Variants in LYN observed in about 807,000 individuals in gnomAD.
LYN encodes the protein LYN proto-oncogene, Src family tyrosine kinase.
LYN carries 12 observed loss-of-function variants against 65.0 expected under a neutral mutation model. The ratio of observed to expected loss-of-function variants is 0.18; its 90% confidence interval spans 0.12 to 0.30. LYN has a LOEUF of 0.30. Among genes scored for constraint, LYN ranks in the 10% least tolerant of loss-of-function variants. The probability of loss-of-function intolerance (pLI) is 1.00; values close to 1 mark genes in which losing one functional copy is unlikely to be tolerated. For synonymous variants in LYN, 222 were observed against 221.2 expected (o/e 1.00, Z -0.03); for missense variants, 380 against 623.2 (o/e 0.61, Z 4.16).
intron 10 of LYN, among the ~76,000 whole-genome samples, chr8:55,996,116 A>G (rs1808365081): frequency 6.6e-6 from 1 of 152,240 alleles, no homozygotes; most frequent in Admixed American, 6.5e-5. Context: ...GTGTTTATCA[A>G]CTGGCTAACA....
At chr8:55,963,401 G>A (rs1488888091) in intron 8 of LYN, among the ~76,000 whole-genome samples, 1 of 152,194 alleles carries the variant, frequency 6.6e-6, no homozygotes, top group Admixed American at 6.5e-5. Context: ...GGGCCCCAAG[G>A]CAGCACAGGC....
At chr8:55,969,679 G>T in intron 9 of LYN, 38 bp from the exon 10 acceptor site, 1 of 1,473,278 alleles carries the variant, frequency 6.8e-7, no homozygotes, top group Non-Finnish European at 9.5e-7. Flanking sequence ...TTTCTTGTGT[G>T]TTTGGAATGC....
At chr8:55,955,462 G>T (rs1341274851) in intron 8 of LYN, among the ~76,000 whole-genome samples, 1 of 152,104 alleles carries the variant, frequency 6.6e-6, no homozygotes, top group East Asian at 1.9e-4. Flanking sequence ...TCTGAATGTT[G>T]TCTCTTCCCA....
At chr8:55,919,532 G>C (rs550861582) in intron 1 of LYN, among the ~76,000 whole-genome samples, 1 of 152,258 alleles carries the variant, frequency 6.6e-6, no homozygotes, top group East Asian at 1.9e-4. Context: ...CACAGGCTGG[G>C]GTTTGAAGAA....
intron 1 of LYN, among the ~76,000 whole-genome samples, chr8:55,909,294 C>T (rs1235529333): frequency 6.6e-6 from 1 of 152,092 alleles, no homozygotes; most frequent in Admixed American, 6.6e-5. Context: ...CTGCACTGGA[C>T]CCCAGTCCTG....
At chr8:55,914,061 A>G (rs1805716037) in intron 1 of LYN, among the ~76,000 whole-genome samples, 1 of 152,068 alleles carries the variant, frequency 6.6e-6, no homozygotes, top group Non-Finnish European at 1.5e-5. Context: ...GTGGACTAGC[A>G]TGCAGCATGG....
chr8:56,002,471 G>A (rs1808541858), intron 12 of LYN, among the ~76,000 whole-genome samples: 1 of 150,894 alleles, frequency 6.6e-6, no homozygotes, highest in Non-Finnish European at 1.5e-5. Flanking sequence ...AAGTAGCCAG[G>A]TGTGGTGGTG....
At chr8:55,969,916 A>G (rs1282441941) in intron 10 of LYN, 123 bp downstream of exon 10, 2 of 822,620 alleles carry the variant, frequency 2.4e-6, no homozygotes. Flanking sequence ...AGCAGCAGTT[A>G]TGAGAAAAAG....
chr8:56,002,374 G>A lies in LYN; in HGVS notation c.1336+2825G>A, dbSNP rs533482791. Reference sequence around the variant, plus strand: ...GCGGAGCTTGCAGTGAGCTGAGATCGCGCCACTGCAATCCAGCCTGGGTGA... The same window carrying A: ...GCGGAGCTTGCAGTGAGCTGAGATCACGCCACTGCAATCCAGCCTGGGTGA... On this transcript the variant is annotated intron_variant, in intron 12 of 12. Transcript: ENST00000519728. Among the ~76,000 whole-genome samples the A allele has an allele frequency of 1.5e-4, 22 of 151,684 alleles. No individual in the cohort carries two copies. In the South Asian group the frequency reaches 3.5e-3, roughly 24 times the overall value.
chr8:56,002,421 A>AAAAATAAAAAAAAAAAGAAT (rs1426293389), intron 12 of LYN, among the ~76,000 whole-genome samples: 1 of 148,736 alleles, frequency 6.7e-6, no homozygotes, highest in Non-Finnish European at 1.5e-5. Flanking sequence ...TCCATCTTAA[A>AAAAATAAAAAAAAAAAGAAT]AAAATAAAAA....
At chr8:56,003,601 G>C (rs1453578456) in intron 12 of LYN, among the ~76,000 whole-genome samples, 2 of 151,928 alleles carry the variant, frequency 1.3e-5, no homozygotes, top group Non-Finnish European at 2.9e-5. Context: ...CTTGAACCCA[G>C]GAGACAGAAG....
chr8:55,983,554 C>T lies in LYN; in HGVS notation c.1050+13761C>T, dbSNP rs372438762. ...CTTCCCCACCCGCCCTCTCTTGAAC[C>T]TCCCACCCCTCGACCCCAGCAGCAC... On this transcript the variant is annotated intron_variant, in intron 10 of 12. Transcript: ENST00000519728. Among the ~76,000 whole-genome samples the T allele has an allele frequency of 1.7e-4, 26 of 151,696 alleles. 1 individual carries two copies. Among genetic ancestry groups the T allele is most frequent in the East Asian group, 1.4e-3 (7 of 5,156 alleles).
chr8:56,010,263 C>G lies in LYN; in HGVS notation c.*153C>G. ...GGCTAAATTACTCAGGAAGAACACC[C>G]TCTAAATGGGAAAGTATTCTGTACT... On this transcript the variant is annotated 3_prime_UTR_variant, in exon 13 of 13. Coordinates refer to ENST00000519728, the MANE Select transcript of LYN (RefSeq NM_002350.4). The G allele has an allele frequency of 1.4e-6, 1 of 701,956 alleles. No individual in the cohort carries two copies. Among genetic ancestry groups the G allele is most frequent in the East Asian group, 2.7e-5 (1 of 36,404 alleles). 43.5% of individuals were successfully genotyped at this position (701,956 alleles called of 1,614,324 possible).
intron 1 of LYN, among the ~76,000 whole-genome samples, chr8:55,908,981 T>TTGTGTA (rs1805507606): frequency 2.5e-5 from 1 of 39,550 alleles, no homozygotes; most frequent in Admixed American, 2.6e-4. Context: ...TGGTATTCCA[T>TTGTGTA]TGTGTATGTA....
At chr8:55,966,663 C>T (rs374772696) in intron 8 of LYN, 52 bp from the exon 9 acceptor site, 66 of 1,544,632 alleles carry the variant, frequency 4.3e-5, no homozygotes, top group African/African-American at 6.8e-5. Context: ...CCACCTCCCC[C>T]GGCTAGATTT....
intron 10 of LYN, among the ~76,000 whole-genome samples, chr8:55,981,472 A>C (rs1807919926): frequency 6.6e-6 from 1 of 152,190 alleles, no homozygotes; most frequent in African/African-American, 2.4e-5. Context: ...TCTCTGCTTC[A>C]TACAGCTCTG....
intron 2 of LYN, among the ~76,000 whole-genome samples, chr8:55,943,410 T>C (rs1404659046): frequency 1.3e-5 from 2 of 151,896 alleles, no homozygotes; most frequent in Non-Finnish European, 2.9e-5. Flanking sequence ...ACCTCAGCTC[T>C]ACTAAAAGTA....
chr8:55,904,755 G>GA (rs1205899377), intron 1 of LYN, among the ~76,000 whole-genome samples: 6 of 151,440 alleles, frequency 4.0e-5, no homozygotes, highest in Admixed American at 6.6e-5. Flanking sequence ...TCTCAAAAAA[G>GA]AAAAAAAAGA....
chr8:55,924,596 T>A (rs540835631), intron 1 of LYN, among the ~76,000 whole-genome samples: 1 of 151,928 alleles, frequency 6.6e-6, no homozygotes, highest in South Asian at 2.1e-4. Context: ...ACTCCTGACC[T>A]CACGTAATCC....
Sources: gnomAD v4.1 joint callset for allele counts (sites outside exome capture counted in the v4.1 genomes callset) on GRCh38, gnomAD v4.1.1 for gene constraint, MANE v1.5 for transcripts, NCBI Gene and HGNC (gene_info 2026-07-23, HGNC 2026-07-21) for gene names.